PAN3: variants seen among roughly 807,000 people sequenced by gnomAD.
PAN3 encodes the protein PAN2-PAN3 deadenylation complex subunit PAN3.
PAN3 carries 19 observed loss-of-function variants against 96.2 expected under a neutral mutation model. The observed-to-expected ratio is 0.20, with a 90% CI of 0.14 to 0.29. PAN3 has a LOEUF of 0.29. PAN3 is among the 10% of genes least tolerant of loss of function. The pLI is 1.00. For synonymous variants in PAN3, 433 were observed against 406.6 expected (o/e 1.06, Z -0.78); for missense variants, 882 against 1,108.1 (o/e 0.80, Z 2.90).
intron 6 of PAN3, among the ~76,000 whole-genome samples, chr13:28,222,777 G>A (rs1881538417): frequency 6.6e-6 from 1 of 152,062 alleles, no homozygotes; most frequent in African/African-American, 2.4e-5. Context: ...AATTCTTACT[G>A]TCTATTATAG....
rs1334419521 is a variant in PAN3, at chr13:28,155,810, A to G, written c.430+16723A>G. Among the ~76,000 whole-genome samples, 9 of 152,292 alleles carry G rather than the reference A, an allele frequency of 5.9e-5. 1 individual carries two copies. Among genetic ancestry groups the G allele is most frequent in the Admixed American group, 4.6e-4 (7 of 15,302 alleles). ...ATTTGAAATATTTTTCGAAAGATGTATGAGGCATACATACCTGGTAGAAAA... is the reference window on the plus strand; with the variant it reads ...ATTTGAAATATTTTTCGAAAGATGTGTGAGGCATACATACCTGGTAGAAAA... On this transcript the variant is annotated intron_variant, in intron 1 of 18. Coordinates refer to ENST00000380958, the MANE Select transcript of PAN3 (RefSeq NM_175854.8).
chr13:28,187,684 T>G (rs911576184), intron 4 of PAN3, among the ~76,000 whole-genome samples: 1 of 152,230 alleles, frequency 6.6e-6, no homozygotes, highest in Admixed American at 6.5e-5. Flanking sequence ...ATGTAAATTA[T>G]GTTCTGCTGT....
chr13:28,201,549 A>C (rs1878701189), intron 5 of PAN3, among the ~76,000 whole-genome samples: 1 of 151,750 alleles, frequency 6.6e-6, no homozygotes, highest in Non-Finnish European at 1.5e-5. Context: ...CCATCTCAAA[A>C]TAGTAATAAT....
At chr13:28,206,816 T>C (rs1879430712) in intron 5 of PAN3, among the ~76,000 whole-genome samples, 1 of 152,104 alleles carries the variant, frequency 6.6e-6, no homozygotes, top group Non-Finnish European at 1.5e-5. Flanking sequence ...GACTGTTTTT[T>C]CTTTCACTCT....
Position 28,237,887 on chromosome 13 carries a change from CAA to C in PAN3, c.1000+17510_1000+17511del, listed in dbSNP as rs138209917. On this transcript the variant is annotated intron_variant, in intron 6 of 18. Coordinates refer to ENST00000380958, the MANE Select transcript of PAN3 (RefSeq NM_175854.8). ...CATCTGTATGTATGCACAATGGTGA[CAA>C]GAGAGAGGCTTTACCTTGAGGTCTG... 7.6e-3 allele frequency among the ~76,000 whole-genome samples: 1,153 copies of C among 152,230 alleles called. 12 individuals carry two copies. Among genetic ancestry groups the C allele is most frequent in the African/African-American group, 0.027 (1,106 of 41,540 alleles).
At chr13:28,184,812 C>T (rs1435973670) in intron 4 of PAN3, among the ~76,000 whole-genome samples, 2 of 152,020 alleles carry the variant, frequency 1.3e-5, no homozygotes, top group African/African-American at 4.8e-5. Flanking sequence ...GTCCTTTTCT[C>T]ATTTCCTATT....
chr13:28,160,237 C>T lies in PAN3; in HGVS notation c.431-14035C>T, dbSNP rs142312647. Among the ~76,000 whole-genome samples the T allele has an allele frequency of 9.0e-3, 1,366 of 152,272 alleles. 77 individuals carry two copies. The highest frequency in any genetic ancestry group is 0.076 in the Admixed American group (1,165 of 15,286). ...GATTACAGGCATGAGCCACTGTGCCCGGCTTTACTCTTTATTTTGAAAAGA... is the reference window on the plus strand; with the variant it reads ...GATTACAGGCATGAGCCACTGTGCCTGGCTTTACTCTTTATTTTGAAAAGA... On this transcript the variant is annotated intron_variant, in intron 1 of 18. Coordinates refer to ENST00000380958, the MANE Select transcript of PAN3 (RefSeq NM_175854.8).
At chr13:28,144,363 C>T (rs1250085161) in intron 1 of PAN3, among the ~76,000 whole-genome samples, 2 of 151,554 alleles carry the variant, frequency 1.3e-5, no homozygotes, top group African/African-American at 2.4e-5. Flanking sequence ...TACAGGCGCC[C>T]GCCACCACGC....
At position 28,267,380 on chromosome 13, in the gene PAN3, T is replaced by C; in HGVS notation, c.1771T>C (p.Tyr591His). Residue 591 changes from tyrosine to histidine, a missense_variant, in exon 12 of 19, where the codon TAC (tyrosine) becomes CAC (histidine). Coordinates refer to ENST00000380958, the MANE Select transcript of PAN3 (RefSeq NM_175854.8). ...RHFNDPNADA[Y>H]FTKRKWGQHE... Reference sequence around the variant, plus strand: ...CTTTAATGACCCTAATGCTGATGCCTACTTCACCAAGAGAAAGTGGGGTAA... The same window carrying C: ...CTTTAATGACCCTAATGCTGATGCCCACTTCACCAAGAGAAAGTGGGGTAA... 1 of 1,613,380 alleles carries C rather than the reference T, an allele frequency of 6.2e-7. No homozygotes were observed. The highest frequency in any genetic ancestry group is 8.5e-7 in the Non-Finnish European group (1 of 1,179,412).
intron 1 of PAN3, among the ~76,000 whole-genome samples, chr13:28,169,222 C>CTTTTTTTTTTTTTTTTTTTTTTTT (rs202200725): frequency 8.0e-5 from 6 of 74,990 alleles, no homozygotes; most frequent in Admixed American, 2.0e-4. Flanking sequence ...TTTTTGTTTG[C>CTTTTTTTTTTTTTTTTTTTTTTTT]TTTTTTTTTT....
intron 6 of PAN3, among the ~76,000 whole-genome samples, chr13:28,235,682 T>TATACAC (rs763764468): frequency 1.9e-4 from 24 of 123,402 alleles, no homozygotes; most frequent in African/African-American, 8.0e-4. Flanking sequence ...TTCTCTAATA[T>TATACAC]ACACACACAC....
At chr13:28,227,918 G>A (rs1420528463) in intron 6 of PAN3, among the ~76,000 whole-genome samples, 1 of 152,172 alleles carries the variant, frequency 6.6e-6, no homozygotes, top group East Asian at 1.9e-4. Flanking sequence ...TATTGTATTT[G>A]TTCTGGATGA....
intron 4 of PAN3, among the ~76,000 whole-genome samples, chr13:28,178,590 A>G (rs927645599): frequency 4.6e-5 from 7 of 152,144 alleles, no homozygotes; most frequent in Non-Finnish European, 8.8e-5. Context: ...AGCAACAGCT[A>G]AAGATGTTAA....
intron 5 of PAN3, among the ~76,000 whole-genome samples, chr13:28,206,614 A>G (rs1466615455): frequency 6.6e-6 from 1 of 151,748 alleles, no homozygotes; most frequent in East Asian, 1.9e-4. Flanking sequence ...GAGCCACCAC[A>G]CGCGGCCCCT....
At chr13:28,272,209 A>G (rs999367432) in intron 14 of PAN3, 138 bp downstream of exon 14, 3 of 480,446 alleles carry the variant, frequency 6.2e-6, no homozygotes, top group South Asian at 7.6e-5. Flanking sequence ...TTGAACATGT[A>G]TCTCCCCCTC....
At position 28,147,101 on chromosome 13, in the gene PAN3, C is replaced by T. The variant is rs1174135096; in HGVS notation, c.430+8014C>T. On this transcript the variant is annotated intron_variant, in intron 1 of 18. Coordinates refer to ENST00000380958, the MANE Select transcript of PAN3 (RefSeq NM_175854.8). Reference sequence around the variant, plus strand: ...GACCAAAACATTGTTACCAACAAATCAATATATGTTTGTGTCTCATTTCAG... The same window carrying T: ...GACCAAAACATTGTTACCAACAAATTAATATATGTTTGTGTCTCATTTCAG... Among the ~76,000 whole-genome samples, 3 of 152,166 alleles carry T rather than the reference C, an allele frequency of 2.0e-5. No individual in the cohort carries two copies. The East Asian group carries it at 5.8e-4, about 29-fold the overall frequency.
chr13:28,272,818 C>T (rs906523554), intron 14 of PAN3, among the ~76,000 whole-genome samples: 1 of 152,154 alleles, frequency 6.6e-6, no homozygotes, highest in Non-Finnish European at 1.5e-5. Flanking sequence ...ATCCGCCTGC[C>T]TCGGCCTCCC....
chr13:28,169,428 C>G (rs1420798469), intron 1 of PAN3, among the ~76,000 whole-genome samples: 1 of 151,196 alleles, frequency 6.6e-6, no homozygotes, highest in Admixed American at 6.6e-5. Context: ...CAGGGTTTCA[C>G]CATGTTGGCC....
intron 4 of PAN3, among the ~76,000 whole-genome samples, chr13:28,195,052 G>C: frequency 6.6e-6 from 1 of 152,094 alleles, no homozygotes; most frequent in East Asian, 1.9e-4. Flanking sequence ...CTATGCTATA[G>C]ACATAGAGAG....
Sources: allele counts gnomAD v4.1 joint callset (sites outside exome capture counted in the v4.1 genomes callset), GRCh38; gene constraint gnomAD v4.1.1; transcripts MANE v1.5; gene names NCBI Gene and HGNC (gene_info 2026-07-23, HGNC 2026-07-21).